Variants in COPG1 observed in about 807,000 individuals in gnomAD.
COPG1 encodes coat protein complex I subunit gamma 1, also known as coatomer subunit gamma-1.
A neutral mutation model predicts 102.8 loss-of-function variants in COPG1; 29 were observed. That is an observed-to-expected ratio of 0.28 (90% CI 0.21 to 0.38). The LOEUF (loss-of-function observed/expected upper bound fraction) is 0.38, where lower values mean the gene tolerates loss of function less well. Among genes scored for constraint, COPG1 ranks in the 10% least tolerant of loss-of-function variants. The pLI, the probability that COPG1 is intolerant of heterozygous loss-of-function variation, is 1.00. For synonymous variants in COPG1, 406 were observed against 421.6 expected, an observed-to-expected ratio of 0.96 and a Z score of 0.45; for missense variants, 875 against 1,132.7, an observed-to-expected ratio of 0.77 and a Z score of 3.27.
At chr3:129,255,214 T>A in intron 7 of COPG1, 137 bp downstream of exon 7, 1 of 621,606 alleles carries the variant, frequency 1.6e-6, no homozygotes, top group Non-Finnish European at 2.8e-6. Context: ...AGTCTCACTC[T>A]GTCACCCAGG....
chr3:129,275,459 C>T lies in COPG1; in HGVS notation c.2494+167C>T, dbSNP rs963666823. The stretch of plus-strand genomic sequence containing the variant: ...GCGAAATGTTTCCTCCCTACCTTGG[C>T]TGCCAGCCATTCAGATTCCCTTCCG... On this transcript the variant is annotated intron_variant, in intron 23 of 23. Transcript: ENST00000314797. This position sits in a 1 kb window ranked among gnomAD's most constrained non-coding sequence, Gnocchi z 5.0. Among the ~76,000 whole-genome samples the T allele has an allele frequency of 6.6e-6, 1 of 152,224 alleles. No individual in the cohort carries two copies. The highest frequency in any genetic ancestry group is 1.5e-5 in the Non-Finnish European group (1 of 68,042).
intron 2 of COPG1, 178 bp downstream of exon 2, chr3:129,250,912 C>CTTTT (rs10706690): frequency 3.0e-4 from 61 of 202,452 alleles, no homozygotes; most frequent in East Asian, 4.1e-4. Flanking sequence ...ATGCTTACTT[C>CTTTT]TTTTTTTTTT....
chr3:129,265,047 T>G (rs1206225734), intron 13 of COPG1, among the ~76,000 whole-genome samples: 1 of 151,926 alleles, frequency 6.6e-6, no homozygotes, highest in African/African-American at 2.4e-5. Context: ...TCTCAAACTC[T>G]TGACCTCAGG....
At chr3:129,269,963 TG>T (rs1436859935) in intron 18 of COPG1, among the ~76,000 whole-genome samples, 1 of 150,202 alleles carries the variant, frequency 6.7e-6, no homozygotes, top group East Asian at 2.0e-4. Context: ...CCCGTATCCT[TG>T]GCTCGTGGCC....
chr3:129,274,139 G>C (rs1207935612), intron 21 of COPG1: 3 of 455,564 alleles, frequency 6.6e-6, no homozygotes, highest in South Asian at 4.6e-5. Flanking sequence ...AAGACCAAGT[G>C]AGCTCCTTGA....
chr3:129,269,058 CA>C (rs376557148), intron 18 of COPG1, 58 bp downstream of exon 18: 213 of 1,444,118 alleles, frequency 1.5e-4, no homozygotes, highest in Non-Finnish European at 1.8e-4. Flanking sequence ...TCAGGGGGTT[CA>C]AGAGTAAGAA....
At chr3:129,270,992 A>AC (rs1940170815) in intron 18 of COPG1, among the ~76,000 whole-genome samples, 1 of 152,194 alleles carries the variant, frequency 6.6e-6, no homozygotes, top group African/African-American at 2.4e-5. Context: ...TCTGCCGCCA[A>AC]CCCCTAGTAA....
Position 129,257,790 on chromosome 3 carries a change from G to A in COPG1, c.801G>A (p.Val267=), listed in dbSNP as rs1939844459. Residue 267 remains valine (V), a synonymous_variant, in exon 10 of 24, where the codon GTG becomes GTA. Transcript: ENST00000314797. ...SCLRNKHEMV[V]YEAASAIVNL... is the part of the protein sequence containing the mutation. The stretch of plus-strand genomic sequence containing the variant: ...TGCGCAACAAGCACGAGATGGTGGT[G>A]TATGAAGCCGCCTCGGCCATCGTCA... 1.9e-6 allele frequency: 3 copies of A among 1,614,206 alleles called. No individual in the cohort carries two copies. Among genetic ancestry groups the A allele is most frequent in the East Asian group, 2.2e-5 (1 of 44,884 alleles).
chr3:129,276,823 CTTTTTTT>C (rs34883126), intron 23 of COPG1, among the ~76,000 whole-genome samples: 2 of 129,936 alleles, frequency 1.5e-5, no homozygotes, highest in Admixed American at 1.6e-4. Flanking sequence ...CAGTGACTTT[CTTTTTTT>C]TTTTTTTTTT....
Position 129,250,701 on chromosome 3 carries a change from C to G in COPG1, c.57C>G (p.Phe19Leu), listed in dbSNP as rs1939675882. The change falls in exon 2 of 24, where the codon TTC becomes TTG. Residue 19 changes from phenylalanine to leucine, a missense_variant. Phe to Leu is a conservative substitution (Grantham distance 22). Coordinates refer to ENST00000314797, the MANE Select transcript of COPG1 (RefSeq NM_016128.4). ...DEESGGGSNPFQHLEKSAVLQ... is the reference protein window; with the variant it reads ...DEESGGGSNPLQHLEKSAVLQ... ...CCGTAGGTGGAGGCTCCAACCCATTCCAGCACCTTGAGAAGAGTGCGGTAC... is the reference window on the plus strand; with the variant it reads ...CCGTAGGTGGAGGCTCCAACCCATTGCAGCACCTTGAGAAGAGTGCGGTAC... 4 of 1,614,046 alleles carry G rather than the reference C, an allele frequency of 2.5e-6. No homozygotes were observed. The highest frequency in any genetic ancestry group is 3.4e-6 in the Non-Finnish European group (4 of 1,179,982).
At chr3:129,255,150 G>T in intron 7 of COPG1, 73 bp downstream of exon 7, 3 of 927,586 alleles carry the variant, frequency 3.2e-6, no homozygotes, top group Non-Finnish European at 5.1e-6. Flanking sequence ...TCACATTCCA[G>T]TAGGAAAAAA....
chr3:129,249,800 T>C, intron 1 of COPG1, 54 bp downstream of exon 1: 2 of 1,535,286 alleles, frequency 1.3e-6, no homozygotes, highest in Non-Finnish European at 1.8e-6. Context: ...CCGCCGAGCT[T>C]TCCTTCTGGT....
At chr3:129,258,069 A>T (rs1380835844) in intron 10 of COPG1, among the ~76,000 whole-genome samples, 1 of 152,216 alleles carries the variant, frequency 6.6e-6, no homozygotes, top group Non-Finnish European at 1.5e-5. Context: ...TGACTGCTGA[A>T]GAGGCTGAGG....
chr3:129,266,880 T>A, intron 14 of COPG1, 144 bp from the exon 15 acceptor site: 2 of 678,622 alleles, frequency 2.9e-6, no homozygotes, highest in Non-Finnish European at 2.7e-6. Flanking sequence ...ACTCACTCTG[T>A]TGGTAGTGAC....
Position 129,265,796 on chromosome 3 carries a change from G to A in COPG1, c.1468+4G>A. 1 of 1,612,992 alleles carries A rather than the reference G, an allele frequency of 6.2e-7. No individual in the cohort carries two copies. The highest frequency in any genetic ancestry group is 1.1e-5 in the South Asian group (1 of 91,006). On this transcript the variant is annotated splice_donor_region_variant and intron_variant, in intron 14 of 23. Coordinates refer to ENST00000314797, the MANE Select transcript of COPG1 (RefSeq NM_016128.4). ...GAGCATGAGGAGGTCCGGGCAGGTA[G>A]GTCTGAGCCAGGGCTGAACTTGGAA... is the stretch of plus-strand genomic sequence containing the variant.
rs1939847719 is a variant in COPG1 at position 129,257,880 on chromosome 3, C to T, written c.871+20C>T. On this transcript the variant is annotated intron_variant, in intron 10 of 23. Coordinates refer to ENST00000314797, the MANE Select transcript of COPG1 (RefSeq NM_016128.4). ...TGTCAGGTCACTGGGCATTCCTTCA[C>T]CCAGCCTCACATGTTTATGCTTGCT... 1.9e-6 allele frequency: 3 copies of T among 1,610,594 alleles called. No individual in the cohort carries two copies.
chr3:129,272,437 AC>A, intron 20 of COPG1, 22 bp downstream of exon 20: 1 of 1,599,860 alleles, frequency 6.3e-7, no homozygotes, highest in Non-Finnish European at 8.5e-7. Context: ...TCCAGATACC[AC>A]CCTATCCTCC....
In COPG1 at chr3:129,277,730, G is replaced by A; in HGVS notation, c.*306G>A. ...AACTCCTCTTGAATCTATCCCCCAA[G>A]AAACCATCTTATCCCTGTAATAAAT... On this transcript the variant is annotated 3_prime_UTR_variant, in exon 24 of 24. Transcript: ENST00000314797. The A allele has an allele frequency of 3.4e-6, 1 of 292,664 alleles. No individual in the cohort carries two copies. The highest frequency in any genetic ancestry group is 3.6e-5 in the South Asian group (1 of 27,544). The allele number at this position is 292,664 out of a possible 1,614,324, so 18.1% of individuals were successfully genotyped here. A position where few individuals can be genotyped will look rare whatever the true frequency, so the allele number is the denominator to read the frequency against.
chr3:129,272,416 G>T lies in COPG1; in HGVS notation c.2158+1G>T. The T allele has an allele frequency of 6.2e-7, 1 of 1,612,244 alleles. No individual in the cohort carries two copies. On this transcript the variant is annotated splice_donor_variant, in intron 20 of 23. Coordinates refer to ENST00000314797, the MANE Select transcript of COPG1 (RefSeq NM_016128.4). LOFTEE classifies it high-confidence loss of function. The stretch of plus-strand genomic sequence containing the variant: ...CTGCCCAAAGAAGACCCCACAGCTG[G>T]TGAGCCCCTCTCCAGATACCACCCT...
Sources: allele counts gnomAD v4.1 joint callset (sites outside exome capture counted in the v4.1 genomes callset), GRCh38; gene constraint gnomAD v4.1.1; non-coding constraint Gnocchi (gnomAD v3.1); transcripts MANE v1.5; gene names NCBI Gene and HGNC (gene_info 2026-07-23, HGNC 2026-07-21).